Variants in ARHGAP15 observed in about 807,000 individuals in gnomAD.
ARHGAP15 encodes Rho GTPase activating protein 15.
A neutral mutation model predicts 63.7 loss-of-function variants in ARHGAP15; 51 were observed. The observed-to-expected ratio is 0.80, with a 90% CI of 0.64 to 1.01. ARHGAP15 has a LOEUF of 1.01. Among genes scored for constraint, ARHGAP15 ranks in the 50% least tolerant of loss-of-function variants. The probability of loss-of-function intolerance (pLI) is 0.00; values close to 1 mark genes in which losing one functional copy is unlikely to be tolerated. For synonymous variants in ARHGAP15, 191 were observed against 193.8 expected (o/e 0.99, Z 0.12); for missense variants, 560 against 564.6 (o/e 0.99, Z 0.08).
chr2:143,552,561 G>T (rs999268487), intron 10 of ARHGAP15, among the ~76,000 whole-genome samples: 20 of 135,204 alleles, frequency 1.5e-4, no homozygotes, highest in African/African-American at 5.4e-4. Context: ...AGAAAAAAAA[G>T]TCGGGGTGGG....
intron 9 of ARHGAP15, among the ~76,000 whole-genome samples, chr2:143,508,717 G>T (rs1693434065): frequency 4.0e-5 from 2 of 49,412 alleles, no homozygotes; most frequent in Non-Finnish European, 5.7e-5. Context: ...AAATATAGAA[G>T]AATTTCATGC....
chr2:143,274,794 T>TG (rs1215122871), intron 6 of ARHGAP15, among the ~76,000 whole-genome samples: 1 of 152,180 alleles, frequency 6.6e-6, no homozygotes, highest in Non-Finnish European at 1.5e-5. Context: ...CCCAACAGTC[T>TG]TTGAGAACCT....
chr2:143,680,581 G>A (rs572208169), intron 12 of ARHGAP15, among the ~76,000 whole-genome samples: 3 of 152,294 alleles, frequency 2.0e-5, no homozygotes, highest in Non-Finnish European at 2.9e-5. Context: ...TGTAGAATTG[G>A]TTCTTCTCTT....
chr2:143,655,538 G>T (rs1467855407), intron 12 of ARHGAP15, among the ~76,000 whole-genome samples: 6 of 152,102 alleles, frequency 3.9e-5, no homozygotes, highest in Admixed American at 3.9e-4. Context: ...ATAATTTCTA[G>T]CATGAAGCCT....
At chr2:143,358,401 T>A (rs768247541) in intron 6 of ARHGAP15, among the ~76,000 whole-genome samples, 1 of 152,108 alleles carries the variant, frequency 6.6e-6, no homozygotes, top group Non-Finnish European at 1.5e-5. Flanking sequence ...TGAAAATGTG[T>A]ATGCCATCTA....
intron 13 of ARHGAP15, among the ~76,000 whole-genome samples, chr2:143,736,982 TCTTC>T (rs1343791724): frequency 6.6e-6 from 1 of 152,274 alleles, no homozygotes; most frequent in African/African-American, 2.4e-5. Flanking sequence ...AAAGCAACTC[TCTTC>T]CTTTTGTGCT....
intron 2 of ARHGAP15, among the ~76,000 whole-genome samples, chr2:143,184,961 G>T (rs1444190881): frequency 6.6e-6 from 1 of 151,778 alleles, no homozygotes; most frequent in Non-Finnish European, 1.5e-5. Context: ...GGGAATACAG[G>T]CTCAGCCAAC....
intron 11 of ARHGAP15, among the ~76,000 whole-genome samples, chr2:143,558,949 C>T (rs747800255): frequency 2.0e-5 from 3 of 152,100 alleles, no homozygotes; most frequent in African/African-American, 4.8e-5. Context: ...ACTCTCTTTC[C>T]TGGGCAAAAC....
rs78487432 is a variant in ARHGAP15, at chr2:143,762,370, T to C, written c.1245-5619T>C. Among the ~76,000 whole-genome samples, 1,278 of 152,290 alleles carry C rather than the reference T, an allele frequency of 8.4e-3. 14 individuals carry two copies. The highest frequency in any genetic ancestry group is 0.029 in the African/African-American group (1,192 of 41,578). ...GTCATAAAAGGGGAGTTTCTTTCAT[T>C]TCTTTGCTAAAAACAGGTTAAATGG... On this transcript the variant is annotated intron_variant, in intron 13 of 13. Transcript: ENST00000295095.
At chr2:143,408,362 C>G (rs1297391457) in intron 6 of ARHGAP15, among the ~76,000 whole-genome samples, 1 of 150,544 alleles carries the variant, frequency 6.6e-6, no homozygotes, top group Non-Finnish European at 1.5e-5. Context: ...TTTTCTATAT[C>G]TGGACTTCTT....
intron 12 of ARHGAP15, among the ~76,000 whole-genome samples, chr2:143,685,568 A>T (rs1219464868): frequency 1.3e-5 from 2 of 152,342 alleles, no homozygotes; most frequent in African/African-American, 2.4e-5. Flanking sequence ...CTCTAATGCC[A>T]GTTCATAGTA....
chr2:143,532,480 T>C (rs556439710), intron 10 of ARHGAP15, among the ~76,000 whole-genome samples: 1 of 152,214 alleles, frequency 6.6e-6, no homozygotes, highest in African/African-American at 2.4e-5. Flanking sequence ...TTTCACAAGT[T>C]TTTTTATGGA....
At chr2:143,520,321 A>C (rs1045218707) in intron 10 of ARHGAP15, among the ~76,000 whole-genome samples, 1 of 152,218 alleles carries the variant, frequency 6.6e-6, no homozygotes, top group African/African-American at 2.4e-5. Flanking sequence ...TTATTATAAA[A>C]GCATAATAAA....
intron 8 of ARHGAP15, among the ~76,000 whole-genome samples, chr2:143,471,280 T>C (rs1691563751): frequency 6.8e-6 from 1 of 147,604 alleles, no homozygotes; most frequent in African/African-American, 2.6e-5. Context: ...ATAGAGAGCA[T>C]GCATTTATTT....
chr2:143,478,806 C>G (rs1206756129), intron 8 of ARHGAP15, among the ~76,000 whole-genome samples: 2 of 152,136 alleles, frequency 1.3e-5, no homozygotes, highest in Non-Finnish European at 2.9e-5. Context: ...GAAACATTTT[C>G]CCACTTCTTA....
At chr2:143,359,601 T>C (rs1249308957) in intron 6 of ARHGAP15, among the ~76,000 whole-genome samples, 1 of 152,204 alleles carries the variant, frequency 6.6e-6, no homozygotes, top group Non-Finnish European at 1.5e-5. Context: ...ATGTAGAAGC[T>C]TCTTTCTCTG....
chr2:143,130,757 T>C (rs1017052524), intron 1 of ARHGAP15, among the ~76,000 whole-genome samples: 4 of 152,140 alleles, frequency 2.6e-5, no homozygotes, highest in African/African-American at 9.6e-5. Context: ...ATTGTTAGCA[T>C]GTAAGAAGAC....
At chr2:143,317,767 G>C (rs568874393) in intron 6 of ARHGAP15, among the ~76,000 whole-genome samples, 4 of 152,274 alleles carry the variant, frequency 2.6e-5, no homozygotes, top group Non-Finnish European at 5.9e-5. Context: ...ATACAGGATG[G>C]ACTGGATTAA....
At chr2:143,639,236 C>A (rs1489501020) in intron 12 of ARHGAP15, among the ~76,000 whole-genome samples, 1 of 152,106 alleles carries the variant, frequency 6.6e-6, no homozygotes, top group African/African-American at 2.4e-5. Context: ...AAACAGGACA[C>A]AAATGAATTT....
Sources: allele counts gnomAD v4.1 joint callset (sites outside exome capture counted in the v4.1 genomes callset), GRCh38; gene constraint gnomAD v4.1.1; transcripts MANE v1.5; gene names NCBI Gene and HGNC (gene_info 2026-07-23, HGNC 2026-07-21).